BNIP3: variants seen among roughly 807,000 people sequenced by gnomAD.
The protein encoded by BNIP3 is BCL2 interacting protein 3.
A neutral mutation model predicts 23.9 loss-of-function variants in BNIP3; 16 were observed. The ratio of observed to expected loss-of-function variants is 0.67; its 90% CI spans 0.45 to 1.01. The LOEUF is 1.01. BNIP3 is among the 50% of genes least tolerant of loss of function. The pLI, the probability that BNIP3 is intolerant of heterozygous loss-of-function variation, is 0.00. For synonymous variants in BNIP3, 81 were observed against 89.3 expected (o/e 0.91, Z 0.53); for missense variants, 198 against 248.7 (o/e 0.80, Z 1.37).
chr10:131,977,427 T>C (rs1439428177), intron 1 of BNIP3, among the ~76,000 whole-genome samples: 3 of 152,188 alleles, frequency 2.0e-5, no homozygotes, highest in African/African-American at 7.2e-5. Flanking sequence ...GAGACAAGTG[T>C]ATCTCTGTCA....
At chr10:131,973,455 AGTCACTCAGAAGTACTG>A (rs2037057027) in intron 2 of BNIP3, 1 of 436,706 alleles carries the variant, frequency 2.3e-6, no homozygotes, top group Non-Finnish European at 4.3e-6. Flanking sequence ...TCTACCTTGG[AGTCACTCAGAAGTACTG>A]CTAACCAGGG....
chr10:131,973,731 G>T, intron 2 of BNIP3, 62 bp downstream of exon 2: 1 of 1,590,762 alleles, frequency 6.3e-7, no homozygotes, highest in Non-Finnish European at 8.6e-7. Flanking sequence ...ACTTCCAGCT[G>T]TGACTGTCAC....
chr10:131,968,793 T>C (rs1821153016), intron 5 of BNIP3: 4 of 421,806 alleles, frequency 9.5e-6, no homozygotes, highest in Middle Eastern at 6.1e-4. Flanking sequence ...GATCGTATTC[T>C]TACATAGAAG....
intron 1 of BNIP3, chr10:131,980,615 G>A (rs542168747): frequency 3.3e-4 from 49 of 149,226 alleles, no homozygotes; most frequent in African/African-American, 1.2e-3. Context: ...AGCTTGTAGT[G>A]TTCATATGTA....
In BNIP3 at chr10:131,973,966, C is replaced by T. The variant is rs551764412; in HGVS notation, c.47-23G>A. 4.3e-5 allele frequency: 69 copies of T among 1,612,774 alleles called. 1 individual carries two copies. In the South Asian group the frequency reaches 4.6e-4, roughly 11 times the overall value. ...AGCCTGATGGGGACAAAAAAAGGGG[C>T]GCAGATGGAATTCTCTACCCACTCT... is the stretch of plus-strand genomic sequence containing the variant. On this transcript the variant is annotated intron_variant, in intron 1 of 5. Coordinates refer to ENST00000368636, the MANE Select transcript of BNIP3 (RefSeq NM_004052.4).
chr10:131,971,144 C>T, intron 3 of BNIP3, 174 bp from the exon 4 acceptor site: 1 of 622,826 alleles, frequency 1.6e-6, no homozygotes. Context: ...CTTCCCCGGG[C>T]CGCGCCGCAC....
intron 1 of BNIP3, among the ~76,000 whole-genome samples, chr10:131,975,209 C>T (rs1026647492): frequency 3.3e-5 from 5 of 152,238 alleles, no homozygotes. Flanking sequence ...TTACTGCAGA[C>T]AGCTCCCGCC....
At chr10:131,973,230 GTC>G in intron 2 of BNIP3, 112 bp from the exon 3 acceptor site, 1 of 1,065,780 alleles carries the variant, frequency 9.4e-7, no homozygotes, top group East Asian at 2.4e-5. Context: ...GCTCTAGCCA[GTC>G]AGCGTACGCG....
intron 2 of BNIP3, 85 bp downstream of exon 2, chr10:131,973,708 A>G: frequency 6.4e-7 from 1 of 1,561,822 alleles, no homozygotes; most frequent in South Asian, 1.2e-5. Context: ...ACTGTCCTAG[A>G]GGTGACACGG....
chr10:131,973,982 T>C, intron 1 of BNIP3, 39 bp from the exon 2 acceptor site: 1 of 1,610,372 alleles, frequency 6.2e-7, no homozygotes, highest in Non-Finnish European at 8.5e-7. Flanking sequence ...TGGAATTCTC[T>C]ACCCACTCTG....
chr10:131,981,350 C>CTG (rs1430364376), intron 1 of BNIP3: 32 of 255,040 alleles, frequency 1.3e-4, no homozygotes, highest in South Asian at 3.4e-4. Context: ...CTTGCCACGC[C>CTG]TTGGTGTTTG....
intron 1 of BNIP3, among the ~76,000 whole-genome samples, chr10:131,977,515 G>A (rs1041786126): frequency 6.6e-6 from 1 of 152,198 alleles, no homozygotes; most frequent in African/African-American, 2.4e-5. Context: ...TGGAGGCTGG[G>A]AAGTCCAAGA....
In BNIP3 at chr10:131,973,906, G is replaced by A. The variant is rs200268295; in HGVS notation, c.84C>T (p.Asn28=). 3.2e-5 allele frequency: 51 copies of A among 1,613,720 alleles called. No individual in the cohort carries two copies. Among genetic ancestry groups the A allele is most frequent in the Middle Eastern group, 1.7e-4 (1 of 5,728 alleles). ...WVELHFSNNG[N]GGSVPASVSI... ...AAACCGAGGCTGGAACGCTGCCCCC[G>A]TTCCCATTATTGCTGAAGTGCAGTT... The change falls in exon 2 of 6, where the codon AAC becomes AAT. Residue 28 remains asparagine, a synonymous_variant. Coordinates refer to ENST00000368636, the MANE Select transcript of BNIP3 (RefSeq NM_004052.4).
chr10:131,974,308 G>A (rs185949163), intron 1 of BNIP3, among the ~76,000 whole-genome samples: 3 of 152,214 alleles, frequency 2.0e-5, no homozygotes, highest in Non-Finnish European at 2.9e-5. Flanking sequence ...GGAAAAAGAG[G>A]TCTTTAAAAA....
intron 1 of BNIP3, among the ~76,000 whole-genome samples, chr10:131,978,558 C>T (rs890772294): frequency 6.6e-6 from 1 of 152,136 alleles, no homozygotes; most frequent in Non-Finnish European, 1.5e-5. Flanking sequence ...ACGAGCCCCA[C>T]GTGGAGTAAA....
In BNIP3 at chr10:131,970,586, A is replaced by G; in HGVS notation, c.539+52T>C. On this transcript the variant is annotated intron_variant, in intron 5 of 5. Transcript: ENST00000368636. This position sits in a 1 kb window ranked among gnomAD's most constrained non-coding sequence, Gnocchi z 4.1. ...GGTTACGAATAAATCACTGCAACCC[A>G]GAATCGCCCCACGACATGCCATGAC... The G allele has an allele frequency of 3.1e-6, 5 of 1,593,134 alleles. No individual in the cohort carries two copies. Among genetic ancestry groups the G allele is most frequent in the African/African-American group, 1.3e-5 (1 of 74,472 alleles).
At chr10:131,981,333 C>G (rs2037116887) in intron 1 of BNIP3, 1 of 226,808 alleles carries the variant, frequency 4.4e-6, no homozygotes, top group Non-Finnish European at 8.6e-6. Context: ...AAGCTCATAA[C>G]AGGCCACTTG....
intron 1 of BNIP3, among the ~76,000 whole-genome samples, chr10:131,977,700 A>T (rs955159419): frequency 6.6e-6 from 1 of 152,026 alleles, no homozygotes; most frequent in African/African-American, 2.4e-5. Flanking sequence ...CTACCATCCC[A>T]CTGGCAACAT....
intron 3 of BNIP3, 117 bp from the exon 4 acceptor site, chr10:131,971,087 G>A (rs2037028171): frequency 9.7e-6 from 9 of 926,730 alleles, no homozygotes; most frequent in Non-Finnish European, 1.3e-5. Flanking sequence ...AGAGGCACAT[G>A]TCAGTGCCTC....
Sources: gnomAD v4.1 joint callset for allele counts (sites outside exome capture counted in the v4.1 genomes callset) on GRCh38, gnomAD v4.1.1 for gene constraint, Gnocchi (gnomAD v3.1) non-coding constraint, MANE v1.5 for transcripts, NCBI Gene and HGNC (gene_info 2026-07-23, HGNC 2026-07-21) for gene names.